Variants in PCF11 observed in about 807,000 individuals in gnomAD.
PCF11 encodes pre-mRNA cleavage complex 2 protein Pcf11.
In PCF11, 19 loss-of-function variants were observed where a neutral mutation model predicts 166.1. The observed-to-expected ratio is 0.11, with a 90% CI of 0.08 to 0.17. The LOEUF (loss-of-function observed/expected upper bound fraction) is 0.17. PCF11 is among the 10% of genes least tolerant of loss of function. PCF11 has a pLI of 1.00. For missense variants in PCF11, 1,565 were observed against 1,855.5 expected (o/e 0.84, Z 2.88); for synonymous variants, 663 against 644.1 (o/e 1.03, Z -0.44).
At chr11:83,179,201 A>G (rs1311280989) in intron 11 of PCF11, among the ~76,000 whole-genome samples, 2 of 151,866 alleles carry the variant, frequency 1.3e-5, no homozygotes, top group African/African-American at 4.8e-5. Context: ...CCTAGAGGCA[A>G]TCATTTTATT....
chr11:83,157,164 C>G (rs1472837414), exon 1 of PCF11: 3 of 572,436 alleles, frequency 5.2e-6, no homozygotes, highest in African/African-American at 3.7e-5. Flanking sequence ...CAGACATTTT[C>G]GGAGCTGGAG....
intron 9 of PCF11, among the ~76,000 whole-genome samples, chr11:83,173,236 C>G (rs965608449): frequency 3.3e-5 from 5 of 152,152 alleles, no homozygotes; most frequent in Non-Finnish European, 7.3e-5. Context: ...GCAGGTGGAT[C>G]ACAAGGTCAA....
At chr11:83,168,553 C>G in exon 8 of PCF11, 1 of 1,614,044 alleles carries the variant, frequency 6.2e-7, no homozygotes, top group Non-Finnish European at 8.5e-7. Flanking sequence ...GGATACAAAT[C>G]AGCGACTTAC....
chr11:83,174,522 A>G (rs535281541), intron 9 of PCF11, among the ~76,000 whole-genome samples: 1 of 152,134 alleles, frequency 6.6e-6, no homozygotes, highest in South Asian at 2.1e-4. Context: ...CTCGGCCTCA[A>G]AGAGCTTTAT....
intron 2 of PCF11, 35 bp downstream of exon 2, chr11:83,161,487 T>A (rs562239899): frequency 3.7e-4 from 546 of 1,468,228 alleles, no homozygotes; most frequent in African/African-American, 1.9e-3. Context: ...GCGTTTTTTT[T>A]TAAAAAATGT....
intron 8 of PCF11, 116 bp from the exon 9 acceptor site, chr11:83,171,702 C>A (rs1565157739): frequency 4.4e-6 from 3 of 682,010 alleles, no homozygotes. Flanking sequence ...CTTTCTAAAT[C>A]TTTATTTATA....
At chr11:83,169,033 G>A (rs770945482) in exon 8 of PCF11, 30 of 1,613,780 alleles carry the variant, frequency 1.9e-5, no homozygotes, top group Admixed American at 8.3e-5. Flanking sequence ...TCAGCCTGTG[G>A]GTGGACTTAG....
At position 83,167,745 on chromosome 11, in the gene PCF11, G is replaced by T. The variant is rs1177306864; in HGVS notation, c.2092+240G>T. 3 of 1,459,136 alleles carry T rather than the reference G, an allele frequency of 2.1e-6. No homozygotes were observed. The highest frequency in any genetic ancestry group is 2.7e-6 in the Non-Finnish European group (3 of 1,099,210). The allele number at this position is 1,459,136 out of a possible 1,614,324, so 90.4% of individuals were successfully genotyped here. On this transcript the variant is annotated intron_variant, in intron 7 of 15. Coordinates refer to ENST00000298281, the Ensembl canonical transcript of PCF11. This position sits in a 1 kb window ranked among gnomAD's most constrained non-coding sequence, Gnocchi z 4.2. ...ATGTGAGCCATCCAAAAGTAAACAT[G>T]CAAGTAGGAATAGTGGAGCACAGTT...
intron 3 of PCF11, 51 bp from the exon 4 acceptor site, chr11:83,164,156 C>T: frequency 7.6e-7 from 1 of 1,315,720 alleles, no homozygotes; most frequent in African/African-American, 1.5e-5. Flanking sequence ...TACTCCCTAG[C>T]TTCCGTTTTA....
exon 16 of PCF11, chr11:83,185,072 A>G (rs1861233861): frequency 6.0e-6 from 3 of 496,032 alleles, no homozygotes; most frequent in Non-Finnish European, 1.0e-5. Flanking sequence ...TACTGCCTGC[A>G]GAGTTTCAGG....
chr11:83,175,726 C>T (rs935412629), intron 9 of PCF11, among the ~76,000 whole-genome samples: 1 of 152,126 alleles, frequency 6.6e-6, no homozygotes, highest in Non-Finnish European at 1.5e-5. Context: ...TGCACTCCAG[C>T]CTGGGCAACA....
chr11:83,164,697 A>G (rs1233486077), intron 4 of PCF11, among the ~76,000 whole-genome samples: 2 of 151,792 alleles, frequency 1.3e-5, no homozygotes, highest in Admixed American at 6.6e-5. Flanking sequence ...AGCCTGGGCA[A>G]CATAGTGAGG....
chr11:83,183,566 C>A (rs1011691542), intron 15 of PCF11, among the ~76,000 whole-genome samples: 5 of 152,112 alleles, frequency 3.3e-5, no homozygotes, highest in African/African-American at 9.7e-5. Flanking sequence ...TCTCGGCTCA[C>A]TGCAACCTCC....
At chr11:83,163,104 C>G (rs994331295) in intron 2 of PCF11, among the ~76,000 whole-genome samples, 1 of 152,196 alleles carries the variant, frequency 6.6e-6, no homozygotes, top group Non-Finnish European at 1.5e-5. Context: ...TACGCCATCA[C>G]AAACCTGAAC....
chr11:83,178,805 T>C (rs575931677), intron 11 of PCF11, among the ~76,000 whole-genome samples: 1 of 148,120 alleles, frequency 6.8e-6, no homozygotes, highest in Non-Finnish European at 1.5e-5. Flanking sequence ...AGAGCGAGAC[T>C]GTGTCTCAAA....
intron 2 of PCF11, among the ~76,000 whole-genome samples, chr11:83,163,198 T>C (rs969308462): frequency 8.3e-4 from 127 of 152,368 alleles, no homozygotes; most frequent in African/African-American, 3.0e-3. Context: ...CACCACAATA[T>C]CTTGTTCCTA....
exon 8 of PCF11, chr11:83,168,590 T>A: frequency 6.2e-7 from 1 of 1,614,014 alleles, no homozygotes; most frequent in East Asian, 2.2e-5. Context: ...AGACCGTTAT[T>A]TGATGGACCT....
chr11:83,165,511 A>G, intron 4 of PCF11, 89 bp from the exon 5 acceptor site: 5 of 887,198 alleles, frequency 5.6e-6, no homozygotes, highest in South Asian at 1.8e-5. Flanking sequence ...TATTTATTGA[A>G]TAAAGCATTA....
chr11:83,177,072 T>G lies in PCF11; in HGVS notation c.3758-13T>G, dbSNP rs554154538. 22 of 1,422,212 alleles carry G rather than the reference T, an allele frequency of 1.5e-5. 1 individual carries two copies. The highest frequency in any genetic ancestry group is 3.7e-4 in the Middle Eastern group (2 of 5,392). 88.1% of individuals were successfully genotyped at this position (1,422,212 alleles called of 1,614,324 possible). On this transcript the variant is annotated splice_polypyrimidine_tract_variant and intron_variant, in intron 9 of 15. Transcript: ENST00000298281. ...AAAAGTGGTTTTTTTTCTTTCTTTCTTTTTTTTGTTAGGAGCCCTCCCTAA... is the reference window on the plus strand; with the variant it reads ...AAAAGTGGTTTTTTTTCTTTCTTTCGTTTTTTTGTTAGGAGCCCTCCCTAA...
Sources: gnomAD v4.1 joint callset for allele counts (sites outside exome capture counted in the v4.1 genomes callset) on GRCh38, gnomAD v4.1.1 for gene constraint, Gnocchi (gnomAD v3.1) non-coding constraint, MANE v1.5 for transcripts, NCBI Gene and HGNC (gene_info 2026-07-23, HGNC 2026-07-21) for gene names.